The following CERCAM variants were observed in gnomAD, a reference collection of about 807,000 sequenced individuals.
CERCAM encodes inactive glycosyltransferase 25 family member 3.
Under a neutral mutation model 66.0 loss-of-function variants are expected in CERCAM, and 59 were observed. The observed-to-expected ratio is 0.89, with a 90% CI of 0.73 to 1.11. The LOEUF is 1.11. CERCAM is among the 50% of genes most tolerant of loss of function. CERCAM has a pLI of 0.00. For missense variants in CERCAM, 840 were observed against 828.3 expected, an observed-to-expected ratio of 1.01 and a Z score of -0.17; for synonymous variants, 318 against 343.6, an observed-to-expected ratio of 0.93 and a Z score of 0.83.
At chr9:128,431,524 T>C in intron 9 of CERCAM, 1 of 564,882 alleles carries the variant, frequency 1.8e-6, no homozygotes, top group Middle Eastern at 4.8e-4. Context: ...CTAGGAGATA[T>C]TCTGCTCTGA....
At chr9:128,420,604 C>G (rs192225727), upstream of CERCAM, 2,537 of 200,060 alleles carry the variant, frequency 0.013, 62 homozygotes, top group African/African-American at 0.056. The surrounding 1 kb of genome is among the most constrained non-coding windows in gnomAD (Gnocchi z 5.0). Flanking sequence ...CCTCCGGCCC[C>G]TCCGCCGTCG....
In CERCAM at chr9:128,424,158, T is replaced by G; in HGVS notation, c.447T>G (p.Ile149Met). ...DYILFADTDN[I>M]LTNNQTLRLL... The stretch of plus-strand genomic sequence containing the variant: ...CAAAGTTTGCAGACACAGACAACAT[T>G]CTGACCAACAATCAGACTCTGCGGC... The change falls in exon 4 of 13, where the codon ATT (isoleucine) becomes ATG (methionine). Residue 149 changes from isoleucine to methionine, a missense_variant. Transcript: ENST00000372838. The G allele has an allele frequency of 6.2e-7, 1 of 1,613,968 alleles. No individual in the cohort carries two copies. The highest frequency in any genetic ancestry group is 8.5e-7 in the Non-Finnish European group (1 of 1,179,956).
Position 128,428,418 on chromosome 9 carries a change from C to A in CERCAM, c.883C>A (p.Leu295Ile). 1 of 1,614,064 alleles carries A rather than the reference C, an allele frequency of 6.2e-7. No individual in the cohort carries two copies. Among genetic ancestry groups the A allele is most frequent in the Non-Finnish European group, 8.5e-7 (1 of 1,179,972 alleles). ...CTTCATCCACCTGATCTTAGAAGCA[C>A]TAGGTGAGGGCTGGGGAACTGTTCC... is the stretch of plus-strand genomic sequence containing the variant. ...VNFIHLILEA[L>I]VDGPRMQASA... Residue 295 changes from leucine to isoleucine, a missense_variant, in exon 6 of 13, where the codon CTA (leucine) becomes ATA (isoleucine). By Grantham distance (5) the Leu-to-Ile change is conservative. Transcript: ENST00000372838.
chr9:128,420,758 G>A (rs536141770), upstream of CERCAM: 83 of 303,510 alleles, frequency 2.7e-4, no homozygotes, highest in African/African-American at 1.7e-3. The surrounding 1 kb of genome is among the most constrained non-coding windows in gnomAD (Gnocchi z 5.0). Context: ...CCCACTCTGA[G>A]GGTGCACTGC....
Position 128,424,128 on chromosome 9 carries a change from C to A in CERCAM, c.427-10C>A. 6.2e-7 allele frequency: 1 copy of A among 1,613,090 alleles called. No homozygotes were observed. Among genetic ancestry groups the A allele is most frequent in the South Asian group, 1.1e-5 (1 of 90,896 alleles). On this transcript the variant is annotated splice_polypyrimidine_tract_variant and intron_variant, in intron 3 of 12. Transcript: ENST00000372838. ...GCAGGGCTGGAGCCTGTGACGTCCC[C>A]TCCTCAAAGTTTGCAGACACAGACA... is the stretch of plus-strand genomic sequence containing the variant.
upstream of CERCAM, chr9:128,420,635 G>A (rs1248046531): frequency 1.4e-5 from 3 of 213,796 alleles, no homozygotes; most frequent in African/African-American, 4.7e-5. The surrounding 1 kb of genome is among the most constrained non-coding windows in gnomAD (Gnocchi z 5.0). Context: ...GTCCAGCCGG[G>A]CGGGGCTGCT....
In CERCAM at chr9:128,434,448, C is replaced by T. The variant is rs367921792; in HGVS notation, c.1370C>T (p.Thr457Met). The part of the protein sequence containing the change: ...GRKQVNPEKE[T>M]AVEGLPGLVV... ...AAGCAGGTGAACCCTGAGAAGGAGACGGCCGTGGAGGGGCTGCCGGGCCTG... is the reference window on the plus strand; with the variant it reads ...AAGCAGGTGAACCCTGAGAAGGAGATGGCCGTGGAGGGGCTGCCGGGCCTG... The change falls in exon 11 of 13, where the codon ACG becomes ATG. Residue 457 changes from threonine to methionine, a missense_variant. Coordinates refer to ENST00000372838, the MANE Select transcript of CERCAM (RefSeq NM_016174.5). The surrounding 1 kb of genome is among the most constrained non-coding windows in gnomAD (Gnocchi z 4.5). The T allele has an allele frequency of 2.5e-5, 40 of 1,614,008 alleles. No homozygotes were observed. Among genetic ancestry groups the T allele is most frequent in the African/African-American group, 5.3e-5 (4 of 75,056 alleles).
chr9:128,427,203 C>T (rs1001112394), intron 5 of CERCAM, among the ~76,000 whole-genome samples: 1 of 151,986 alleles, frequency 6.6e-6, no homozygotes, highest in African/African-American at 2.4e-5. Flanking sequence ...ACCTCTGCCT[C>T]CCGGGTTCAA....
chr9:128,423,329 G>C, intron 3 of CERCAM, 66 bp downstream of exon 3: 1 of 1,362,512 alleles, frequency 7.3e-7, no homozygotes, highest in Non-Finnish European at 1.0e-6. Context: ...TAGAAATCTG[G>C]GTATAGGCTG....
rs1833966084 is a variant in CERCAM, at chr9:128,431,199, C to G, written c.1099C>G (p.Leu367Val). The G allele has an allele frequency of 6.2e-7, 1 of 1,614,010 alleles. No homozygotes were observed. The highest frequency in any genetic ancestry group is 1.3e-5 in the African/African-American group (1 of 75,048). Residue 367 changes from leucine to valine, a missense_variant, in exon 9 of 13, where the codon CTC (leucine) becomes GTC (valine). Transcript: ENST00000372838. The part of the protein sequence containing the change: ...WMLNSSAIRN[L>V]GVDLLPGYQD... ...GCTCAACAGCAGTGCCATCAGGAAC[C>G]TCGGCGTAGACCTGCTCCCGGGCTA...
intron 2 of CERCAM, 33 bp from the exon 3 acceptor site, chr9:128,423,113 C>G (rs1168758434): frequency 1.9e-6 from 3 of 1,611,808 alleles, no homozygotes; most frequent in Non-Finnish European, 2.5e-6. Context: ...GGGGCATGTA[C>G]CCCATGGGAA....
chr9:128,428,629 C>T, intron 6 of CERCAM, 128 bp from the exon 7 acceptor site: 1 of 1,165,678 alleles, frequency 8.6e-7, no homozygotes, highest in African/African-American at 1.5e-5. Context: ...ATCCTGTGAT[C>T]TCTGAGGTCC....
At position 128,420,991 on chromosome 9, in the gene CERCAM, G is replaced by C. The variant is rs774433046; in HGVS notation, c.114G>C (p.Leu38=). The C allele has an allele frequency of 6.8e-7, 1 of 1,468,274 alleles. No individual in the cohort carries two copies. The highest frequency in any genetic ancestry group is 1.3e-5 in the South Asian group (1 of 76,750). The allele number at this position is 1,468,274 out of a possible 1,614,324, so 91.0% of individuals were successfully genotyped here. A position where few individuals can be genotyped will look rare whatever the true frequency, so the allele number is the denominator to read the frequency against. Residue 38 remains leucine, a synonymous_variant, in exon 1 of 13, where the codon CTG becomes CTC. Transcript: ENST00000372838. The surrounding 1 kb of genome is among the most constrained non-coding windows in gnomAD (Gnocchi z 5.0). ...TGCCCGCCGTGGTCCTTGCCATCCT[G>C]GCCCGCAATGCCGAACACTCGCTGC... ...SPLPAVVLAI[L]ARNAEHSLPH...
At position 128,428,771 on chromosome 9, in the gene CERCAM, A is replaced by G. The variant is rs201405772; in HGVS notation, c.901A>G (p.Met301Val). The change falls in exon 7 of 13, where the codon ATG becomes GTG. Residue 301 changes from methionine to valine, a missense_variant. Physicochemically the swap from Met to Val is conservative, Grantham distance 21 (BLOSUM62 1). Transcript: ENST00000372838. The part of the protein sequence containing the change: ...ILEALVDGPR[M>V]QASAHVTRPS... ...TCCCTTTGCAGTGGACGGCCCCCGCATGCAGGCCTCAGCTCATGTGACTCG... is the reference window on the plus strand; with the variant it reads ...TCCCTTTGCAGTGGACGGCCCCCGCGTGCAGGCCTCAGCTCATGTGACTCG... 2.5e-6 allele frequency: 4 copies of G among 1,613,916 alleles called. No individual in the cohort carries two copies. Among genetic ancestry groups the G allele is most frequent in the East Asian group, 4.5e-5 (2 of 44,866 alleles).
intron 5 of CERCAM, among the ~76,000 whole-genome samples, chr9:128,426,083 C>G (rs547273278): frequency 6.6e-6 from 1 of 151,956 alleles, no homozygotes; most frequent in African/African-American, 2.4e-5. Flanking sequence ...CAATTACAGG[C>G]GTGAGCCACC....
rs61732491 is a variant in CERCAM, at chr9:128,424,504, C to T, written c.656C>T (p.Ala219Val). The change falls in exon 5 of 13, where the codon GCA becomes GTA. Residue 219 changes from alanine (A) to valine (V), a missense_variant. Coordinates refer to ENST00000372838, the MANE Select transcript of CERCAM (RefSeq NM_016174.5). ...RVPMVHSTFL[A>V]SLRAEGADQL... ...CCCATGGTCCACTCCACCTTCCTTG[C>T]ATCCCTGCGGGCTGAAGGGGCAGAC... 9.9e-3 allele frequency: 15,991 copies of T among 1,614,098 alleles called. 1,301 individuals are homozygous for T. The African/African-American group carries it at 0.18, about 18-fold the overall frequency.
At chr9:128,435,956 T>C (rs757819163) in intron 12 of CERCAM, 51 bp downstream of exon 12, 2 of 1,528,352 alleles carry the variant, frequency 1.3e-6, no homozygotes, top group Admixed American at 3.8e-5. Flanking sequence ...TGGCTTGCTC[T>C]CCCCTTTGAT....
At chr9:128,420,285 G>C (rs1833675606), upstream of CERCAM, 1 of 152,276 alleles carries the variant, frequency 6.6e-6, no homozygotes, top group African/African-American at 2.4e-5. This position sits in a 1 kb window ranked among gnomAD's most constrained non-coding sequence, Gnocchi z 5.0. Flanking sequence ...AGCTCAGGGG[G>C]ACTCCCTCTG....
At chr9:128,429,625 C>A (rs796756817) in intron 8 of CERCAM, among the ~76,000 whole-genome samples, 1 of 151,906 alleles carries the variant, frequency 6.6e-6, no homozygotes. Context: ...TTAGAGACAG[C>A]GTCTCCGTCT....
Sources: gnomAD v4.1 joint callset for allele counts (sites outside exome capture counted in the v4.1 genomes callset) on GRCh38, gnomAD v4.1.1 for gene constraint, Gnocchi (gnomAD v3.1) non-coding constraint, MANE v1.5 for transcripts, NCBI Gene and HGNC (gene_info 2026-07-23, HGNC 2026-07-21) for gene names.